The following MERTK variants were observed in gnomAD, a reference collection of about 807,000 sequenced individuals.
MERTK encodes the protein tyrosine-protein kinase Mer.
A neutral mutation model predicts 99.3 loss-of-function variants in MERTK; 69 were observed. That is an observed-to-expected ratio of 0.70 (90% CI 0.57 to 0.85). The LOEUF (loss-of-function observed/expected upper bound fraction) is 0.85. Ranked by LOEUF, MERTK falls within the 40% of genes least tolerant of loss-of-function variation. The pLI is 0.00. For synonymous variants in MERTK, 426 were observed against 467.6 expected, an observed-to-expected ratio of 0.91 and a Z score of 1.15; for missense variants, 1,125 against 1,249.4, an observed-to-expected ratio of 0.90 and a Z score of 1.50.
At chr2:111,911,871 T>C (rs1373189432) in intron 1 of MERTK, among the ~76,000 whole-genome samples, 1 of 151,748 alleles carries the variant, frequency 6.6e-6, no homozygotes, top group African/African-American at 2.4e-5. Context: ...AACTTTTTTG[T>C]AGAGATGAGG....
chr2:111,962,762 A>G (rs1034116246), intron 4 of MERTK, among the ~76,000 whole-genome samples: 3 of 152,074 alleles, frequency 2.0e-5, no homozygotes, highest in Non-Finnish European at 2.9e-5. Flanking sequence ...ACCACATTGC[A>G]TTTAGTCATC....
chr2:112,007,622 A>C lies in MERTK; in HGVS notation c.1868-761A>C, dbSNP rs556408949. Among the ~76,000 whole-genome samples, 8 of 152,288 alleles carry C rather than the reference A, an allele frequency of 5.3e-5. No homozygotes were observed. The South Asian group carries it at 1.7e-3, about 32-fold the overall frequency. The stretch of plus-strand genomic sequence containing the variant: ...CATAGAGTATTCATCCTTTTGTGAC[A>C]GGCTTGTTTCACTTAGCATAATACA... On this transcript the variant is annotated intron_variant, in intron 13 of 18. Transcript: ENST00000295408.
rs766950582 is a variant in MERTK at position 111,947,575 on chromosome 2, C to T, written c.757+8C>T. 2.3e-5 allele frequency: 37 copies of T among 1,613,818 alleles called. 1 individual carries two copies. The South Asian group carries it at 2.6e-4, about 11-fold the overall frequency. ...CCGTGCTAACTGTTCCAGGTAAGTC[C>T]GAGCTGTGGGCTTATTGATTTATTC... On this transcript the variant is annotated splice_region_variant and intron_variant, in intron 4 of 18. Transcript: ENST00000295408.
intron 1 of MERTK, among the ~76,000 whole-genome samples, chr2:111,920,905 C>T (rs1006706105): frequency 1.3e-5 from 2 of 152,200 alleles, no homozygotes; most frequent in African/African-American, 4.8e-5. Flanking sequence ...ATCTGCCCGC[C>T]TCGGCCTCCC....
chr2:111,959,714 C>T (rs190040428), intron 4 of MERTK, among the ~76,000 whole-genome samples: 11 of 152,048 alleles, frequency 7.2e-5, no homozygotes, highest in South Asian at 2.1e-4. Flanking sequence ...CTTGAACTCT[C>T]GAACTTCTGG....
At chr2:111,988,747 G>A (rs1407469643) in intron 8 of MERTK, among the ~76,000 whole-genome samples, 3 of 152,160 alleles carry the variant, frequency 2.0e-5, no homozygotes, top group African/African-American at 4.8e-5. Context: ...GGAGTTCGAC[G>A]AGACCAGCCT....
chr2:111,915,413 G>A (rs1399930121), intron 1 of MERTK, among the ~76,000 whole-genome samples: 4 of 150,082 alleles, frequency 2.7e-5, no homozygotes, highest in Admixed American at 1.3e-4. Context: ...CTTGTTTTGG[G>A]TTTATTTTGC....
At position 111,919,873 on chromosome 2, in the gene MERTK, C is replaced by T. The variant is rs143998258; in HGVS notation, c.62-9247C>T. Reference sequence around the variant, plus strand: ...GTAGGAAGGTCACCCCACTGATAAGCAAGCCCCTTGTGCTTTTGCTCAGAT... The same window carrying T: ...GTAGGAAGGTCACCCCACTGATAAGTAAGCCCCTTGTGCTTTTGCTCAGAT... On this transcript the variant is annotated intron_variant, in intron 1 of 18. Transcript: ENST00000295408. 9.5e-3 allele frequency among the ~76,000 whole-genome samples: 1,421 copies of T among 149,592 alleles called. 18 individuals carry two copies. The highest frequency in any genetic ancestry group is 0.03 in the African/African-American group (1,217 of 40,514).
intron 18 of MERTK, among the ~76,000 whole-genome samples, chr2:112,025,739 T>C (rs1677447897): frequency 2.0e-5 from 3 of 152,130 alleles, no homozygotes; most frequent in Non-Finnish European, 2.9e-5. Flanking sequence ...GCTTGAAAAA[T>C]ATGAGTAAAG....
chr2:112,011,885 A>G (rs1296227644), intron 15 of MERTK, among the ~76,000 whole-genome samples: 1 of 152,190 alleles, frequency 6.6e-6, no homozygotes, highest in East Asian at 1.9e-4. Flanking sequence ...CATGGAGCTG[A>G]GCTGCTGGTG....
Position 111,926,053 on chromosome 2 carries a change from G to C in MERTK, c.62-3067G>C, listed in dbSNP as rs563461881. On this transcript the variant is annotated intron_variant, in intron 1 of 18. Transcript: ENST00000295408. Reference sequence around the variant, plus strand: ...TCACCGTGTTAGCCAGGATGGTCTCGATCTCCTGACCTCGTGATCCGCCTG... The same window carrying C: ...TCACCGTGTTAGCCAGGATGGTCTCCATCTCCTGACCTCGTGATCCGCCTG... 1.1e-4 allele frequency among the ~76,000 whole-genome samples: 16 copies of C among 151,424 alleles called. 1 individual carries two copies. In the East Asian group the frequency reaches 3.0e-3, roughly 28 times the overall value.
At position 112,029,119 on chromosome 2, in the gene MERTK, A is replaced by G. The variant is rs1047409918; in HGVS notation, c.*255A>G. 8.7e-6 allele frequency: 10 copies of G among 1,150,026 alleles called. No individual in the cohort carries two copies. In the African/African-American group the frequency reaches 1.3e-4, roughly 15 times the overall value. 71.2% of individuals were successfully genotyped at this position (1,150,026 alleles called of 1,614,324 possible). On this transcript the variant is annotated 3_prime_UTR_variant, in exon 19 of 19. Coordinates refer to ENST00000295408, the MANE Select transcript of MERTK (RefSeq NM_006343.3). ...AAACATTACTTATTTCATTTCACTT[A>G]TCTTGCATATCTTAAAATTAAGCTT...
At chr2:112,010,139 C>A in intron 15 of MERTK, 73 bp downstream of exon 15, 1 of 1,135,768 alleles carries the variant, frequency 8.8e-7, no homozygotes, top group Non-Finnish European at 1.3e-6. Context: ...ACCAAATCAT[C>A]TAATCTTGAA....
intron 3 of MERTK, among the ~76,000 whole-genome samples, chr2:111,946,165 C>G (rs1684958101): frequency 6.6e-6 from 1 of 152,062 alleles, no homozygotes; most frequent in Non-Finnish European, 1.5e-5. Flanking sequence ...TGCTCTAGGC[C>G]CATCCCAGGC....
chr2:112,000,150 ACTT>A (rs1183316055), intron 10 of MERTK, among the ~76,000 whole-genome samples: 1 of 152,044 alleles, frequency 6.6e-6, no homozygotes, highest in Admixed American at 6.6e-5. Context: ...GGCTATTTTC[ACTT>A]CTTTTGTGGA....
At chr2:112,004,878 G>T (rs1360963207) in intron 13 of MERTK, among the ~76,000 whole-genome samples, 1 of 151,988 alleles carries the variant, frequency 6.6e-6, no homozygotes, top group African/African-American at 2.4e-5. Context: ...TTCCAGCCTG[G>T]GTGACAGAGT....
intron 2 of MERTK, chr2:111,930,321 G>A (rs1684647778): frequency 6.5e-6 from 1 of 152,686 alleles, no homozygotes; most frequent in African/African-American, 2.4e-5. Context: ...CCAAAAGCAG[G>A]GGACCACCAG....
chr2:111,951,822 A>C (rs570211316), intron 4 of MERTK, among the ~76,000 whole-genome samples: 56 of 152,166 alleles, frequency 3.7e-4, no homozygotes, highest in African/African-American at 1.3e-3. Flanking sequence ...AGAATGCATT[A>C]ATTTAGTACT....
chr2:111,947,269 T>TCCCCCCCC, intron 3 of MERTK, 125 bp from the exon 4 acceptor site: 1 of 635,402 alleles, frequency 1.6e-6, no homozygotes, highest in Admixed American at 2.3e-5. Context: ...CAAGACTCCA[T>TCCCCCCCC]CCCCACCCGC....
Sources: allele counts gnomAD v4.1 joint callset (sites outside exome capture counted in the v4.1 genomes callset), GRCh38; gene constraint gnomAD v4.1.1; transcripts MANE v1.5; gene names NCBI Gene and HGNC (gene_info 2026-07-23, HGNC 2026-07-21).